Variants in NTNG1 observed in about 807,000 individuals in gnomAD.
NTNG1 encodes the protein netrin G1.
In NTNG1, 16 loss-of-function variants were observed where a neutral mutation model predicts 54.0. The observed-to-expected ratio is 0.30, with a 90% CI of 0.20 to 0.45. The LOEUF (loss-of-function observed/expected upper bound fraction) is 0.45. NTNG1 is among the 20% of genes least tolerant of loss of function. The probability of loss-of-function intolerance (pLI) is 1.00; values close to 1 mark genes in which losing one functional copy is unlikely to be tolerated. For synonymous variants in NTNG1, 255 were observed against 263.1 expected, an observed-to-expected ratio of 0.97 and a Z score of 0.30; for missense variants, 530 against 678.7, an observed-to-expected ratio of 0.78 and a Z score of 2.43.
At chr1:107,404,877 A>G (rs561001485) in intron 4 of NTNG1, among the ~76,000 whole-genome samples, 1 of 152,320 alleles carries the variant, frequency 6.6e-6, no homozygotes, top group East Asian at 1.9e-4. Context: ...GTCAATTCAC[A>G]GAGAATGCTA....
chr1:107,369,011 T>C (rs1415886883), intron 3 of NTNG1, among the ~76,000 whole-genome samples: 1 of 152,216 alleles, frequency 6.6e-6, no homozygotes, highest in Non-Finnish European at 1.5e-5. Context: ...TTGCATATTC[T>C]AGAGTTTTAT....
intron 3 of NTNG1, among the ~76,000 whole-genome samples, chr1:107,351,933 G>A (rs12031824): frequency 0.11 from 16,172 of 152,116 alleles, 1,024 homozygotes; most frequent in East Asian, 0.16. Flanking sequence ...TACAGGCCCC[G>A]TGCAAGTCCA....
At chr1:107,170,626 T>C (rs986635001) in intron 2 of NTNG1, among the ~76,000 whole-genome samples, 1 of 152,092 alleles carries the variant, frequency 6.6e-6, no homozygotes, top group Non-Finnish European at 1.5e-5. Context: ...TCTAAACCCA[T>C]TGGAAGTGGA....
At chr1:107,402,384 C>A (rs1673099298) in intron 4 of NTNG1, among the ~76,000 whole-genome samples, 1 of 152,150 alleles carries the variant, frequency 6.6e-6, no homozygotes, top group Non-Finnish European at 1.5e-5. Flanking sequence ...TGAGACCATG[C>A]TAGGACGGTA....
At chr1:107,286,689 A>G (rs1665223764) in intron 2 of NTNG1, among the ~76,000 whole-genome samples, 1 of 152,192 alleles carries the variant, frequency 6.6e-6, no homozygotes, top group South Asian at 2.1e-4. Context: ...TCACTTCCTT[A>G]GGGTGTATAC....
intron 3 of NTNG1, among the ~76,000 whole-genome samples, chr1:107,336,197 T>C (rs1045519288): frequency 4.0e-5 from 6 of 151,392 alleles, no homozygotes; most frequent in African/African-American, 1.2e-4. Context: ...TTTTTTTTTT[T>C]TAATTTCAAA....
intron 3 of NTNG1, among the ~76,000 whole-genome samples, chr1:107,326,939 G>A (rs1333748851): frequency 6.6e-6 from 1 of 152,176 alleles, no homozygotes; most frequent in Non-Finnish European, 1.5e-5. Flanking sequence ...TAAAGGTGGT[G>A]TGTTGGAAAT....
intron 4 of NTNG1, among the ~76,000 whole-genome samples, chr1:107,399,667 A>T (rs12068183): frequency 0.49 from 74,127 of 151,948 alleles, 18,255 homozygotes; most frequent in Middle Eastern, 0.55. Context: ...AATTTTAAAC[A>T]CATGGAATAT....
Position 107,395,343 on chromosome 1 carries a change from G to A in NTNG1, c.1060+17G>A. ...CAAATACCTGTGAGTAACTTTGCTT[G>A]GTAACAGCATATTCTGTGCACCATG... On this transcript the variant is annotated intron_variant, in intron 4 of 7. Coordinates refer to ENST00000370068, the MANE Select transcript of NTNG1 (RefSeq NM_001113226.3). 1.2e-6 allele frequency: 2 copies of A among 1,606,642 alleles called. No individual in the cohort carries two copies. The highest frequency in any genetic ancestry group is 1.7e-6 in the Non-Finnish European group (2 of 1,173,566).
chr1:107,296,400 C>T (rs1665942352), intron 2 of NTNG1, among the ~76,000 whole-genome samples: 1 of 151,906 alleles, frequency 6.6e-6, no homozygotes, highest in Non-Finnish European at 1.5e-5. Flanking sequence ...ACAATGTATG[C>T]ACATTGCATG....
At chr1:107,391,738 A>G (rs1015212043) in intron 3 of NTNG1, among the ~76,000 whole-genome samples, 2 of 152,076 alleles carry the variant, frequency 1.3e-5, no homozygotes, top group African/African-American at 4.8e-5. Context: ...TTAAACCGCC[A>G]GATCTTGCAA....
At chr1:107,164,579 C>G (rs1283754575) in intron 2 of NTNG1, among the ~76,000 whole-genome samples, 2 of 152,164 alleles carry the variant, frequency 1.3e-5, no homozygotes, top group South Asian at 2.1e-4. Flanking sequence ...ACACCAGTAA[C>G]TACTACTGTG....
chr1:107,400,818 T>A (rs1672982822), intron 4 of NTNG1, among the ~76,000 whole-genome samples: 1 of 151,946 alleles, frequency 6.6e-6, no homozygotes, highest in Non-Finnish European at 1.5e-5. Context: ...CCAGCTAATT[T>A]TTTGTATTTT....
At chr1:107,280,988 CTT>C (rs201764298) in intron 2 of NTNG1, among the ~76,000 whole-genome samples, 2,205 of 151,902 alleles carry the variant, frequency 0.015, 55 homozygotes, top group African/African-American at 0.05. Context: ...AATATGTTCT[CTT>C]TCTCTTCCTG....
At chr1:107,466,712 G>A (rs1352643196) in intron 7 of NTNG1, among the ~76,000 whole-genome samples, 5 of 152,082 alleles carry the variant, frequency 3.3e-5, no homozygotes, top group African/African-American at 1.2e-4. Flanking sequence ...ACCATGCATA[G>A]CCTCCCAGTT....
rs200877815 is a variant in NTNG1, at chr1:107,252,866, T to C, written c.247-71416T>C. Reference sequence around the variant, plus strand: ...AGATAATAACTTAGAATATCCCTCCTATAGCGGCAGTGGGTGGGGAATATT... The same window carrying C: ...AGATAATAACTTAGAATATCCCTCCCATAGCGGCAGTGGGTGGGGAATATT... On this transcript the variant is annotated intron_variant, in intron 2 of 7. Coordinates refer to ENST00000370068, the MANE Select transcript of NTNG1 (RefSeq NM_001113226.3). Among the ~76,000 whole-genome samples, 20 of 152,272 alleles carry C rather than the reference T, an allele frequency of 1.3e-4. No homozygotes were observed. The East Asian group carries it at 3.9e-3, about 29-fold the overall frequency.
At chr1:107,152,280 G>C (rs906657757) in intron 2 of NTNG1, among the ~76,000 whole-genome samples, 5 of 152,058 alleles carry the variant, frequency 3.3e-5, no homozygotes, top group African/African-American at 1.2e-4. Context: ...TATCTTTTCA[G>C]CCACATTGAA....
At chr1:107,355,984 G>A (rs17509795) in intron 3 of NTNG1, among the ~76,000 whole-genome samples, 18,063 of 152,108 alleles carry the variant, frequency 0.12, 1,210 homozygotes, top group Non-Finnish European at 0.16. Context: ...CCAGACCACC[G>A]TCGTGGCAGA....
At chr1:107,153,996 A>G (rs944761096) in intron 2 of NTNG1, among the ~76,000 whole-genome samples, 2 of 152,202 alleles carry the variant, frequency 1.3e-5, no homozygotes, top group African/African-American at 4.8e-5. Flanking sequence ...CCTCACAAAC[A>G]TTACTGCAAA....
Sources: allele counts gnomAD v4.1 joint callset (sites outside exome capture counted in the v4.1 genomes callset), GRCh38; gene constraint gnomAD v4.1.1; transcripts MANE v1.5; gene names NCBI Gene and HGNC (gene_info 2026-07-23, HGNC 2026-07-21).